Variants in JAK1 observed in about 807,000 individuals in gnomAD.
JAK1 encodes the protein Janus kinase 1.
In JAK1, 16 loss-of-function variants were observed where a neutral mutation model predicts 136.6. That is an observed-to-expected ratio of 0.12 (90% confidence interval 0.08 to 0.18). The LOEUF (loss-of-function observed/expected upper bound fraction) is 0.18, where lower values mean the gene tolerates loss of function less well. JAK1 is among the 10% of genes least tolerant of loss of function. JAK1 has a pLI of 1.00. For synonymous variants in JAK1, 492 were observed against 519.5 expected, an observed-to-expected ratio of 0.95 and a Z score of 0.72; for missense variants, 859 against 1,450.1, an observed-to-expected ratio of 0.59 and a Z score of 6.62.
At chr1:64,872,879 T>C (rs1017743331) in intron 5 of JAK1, among the ~76,000 whole-genome samples, 4 of 152,218 alleles carry the variant, frequency 2.6e-5, no homozygotes, top group African/African-American at 9.6e-5. Context: ...CTTAGCAATC[T>C]CAGAGTAAAT....
At chr1:65,013,641 A>G (rs746560115) in intron 2 of JAK1, among the ~76,000 whole-genome samples, 14 of 152,190 alleles carry the variant, frequency 9.2e-5, no homozygotes, top group Admixed American at 1.3e-4. Context: ...TGCCATATTG[A>G]TGACGTCCCT....
chr1:64,914,970 T>TA (rs1290454315), intron 1 of JAK1, among the ~76,000 whole-genome samples: 6 of 152,134 alleles, frequency 3.9e-5, no homozygotes, highest in Non-Finnish European at 8.8e-5. Context: ...CACTATTTAA[T>TA]AAAAAAAGCT....
At chr1:65,030,704 G>A (rs1340522852) in intron 2 of JAK1, among the ~76,000 whole-genome samples, 1 of 152,094 alleles carries the variant, frequency 6.6e-6, no homozygotes, top group African/African-American at 2.4e-5. Context: ...GCTAATTTTT[G>A]TATTTTTAGT....
intron 1 of JAK1, among the ~76,000 whole-genome samples, chr1:64,931,155 AT>A (rs746269112): frequency 2.6e-4 from 39 of 152,296 alleles, no homozygotes; most frequent in Middle Eastern, 3.4e-3. Context: ...AATAAAAAAA[AT>A]AAACTCTTTA....
chr1:64,868,969 A>G (rs905429391), intron 6 of JAK1, among the ~76,000 whole-genome samples: 1 of 152,224 alleles, frequency 6.6e-6, no homozygotes, highest in African/African-American at 2.4e-5. Flanking sequence ...AAGGATTTTT[A>G]AGATGGGTCC....
intron 1 of JAK1, among the ~76,000 whole-genome samples, chr1:64,947,446 C>G (rs1646007417): frequency 6.6e-6 from 1 of 152,104 alleles, no homozygotes; most frequent in African/African-American, 2.4e-5. Flanking sequence ...CTTGGAGCAG[C>G]CAACTGTTCT....
At chr1:64,884,629 G>T (rs1044876218) in intron 2 of JAK1, among the ~76,000 whole-genome samples, 1 of 152,126 alleles carries the variant, frequency 6.6e-6, no homozygotes, top group African/African-American at 2.4e-5. Context: ...CCTACCCAAT[G>T]CTACTTCTCA....
At chr1:64,929,640 T>G (rs1174256656) in intron 1 of JAK1, among the ~76,000 whole-genome samples, 1 of 152,164 alleles carries the variant, frequency 6.6e-6, no homozygotes, top group African/African-American at 2.4e-5. Flanking sequence ...CATATAAAAT[T>G]AATCTCTTGT....
intron 2 of JAK1, among the ~76,000 whole-genome samples, chr1:65,041,382 TG>T (rs1254879918): frequency 1.3e-5 from 2 of 152,204 alleles, no homozygotes; most frequent in African/African-American, 4.8e-5. Context: ...TTAGTTCCTC[TG>T]CATCTCAAAT....
At chr1:65,030,292 A>C (rs889103602) in intron 2 of JAK1, among the ~76,000 whole-genome samples, 8 of 152,224 alleles carry the variant, frequency 5.3e-5, no homozygotes, top group Non-Finnish European at 8.8e-5. Context: ...TCTGTTGTTT[A>C]AGCCACCTAG....
intron 2 of JAK1, among the ~76,000 whole-genome samples, chr1:65,016,058 T>G (rs553609778): frequency 1.3e-5 from 2 of 152,322 alleles, no homozygotes; most frequent in South Asian, 4.1e-4. Context: ...AGATAAACCT[T>G]GAAGACATAT....
intron 1 of JAK1, among the ~76,000 whole-genome samples, chr1:65,049,640 G>A (rs761533931): frequency 2.0e-5 from 3 of 152,136 alleles, no homozygotes; most frequent in African/African-American, 7.2e-5. Flanking sequence ...CACTGCTGTG[G>A]TCCACAGATG....
At chr1:64,983,720 C>A (rs1304767642) in intron 2 of JAK1, among the ~76,000 whole-genome samples, 1 of 152,162 alleles carries the variant, frequency 6.6e-6, no homozygotes, top group South Asian at 2.1e-4. Context: ...CCCTGGACTC[C>A]ATCCAAAATT....
intron 2 of JAK1, 38 bp downstream of exon 2, chr1:64,886,221 G>A (rs765691932): frequency 7.4e-7 from 1 of 1,355,278 alleles, no homozygotes; most frequent in East Asian, 2.4e-5. Context: ...TTTAAAGCCA[G>A]ATATTTTCCT....
intron 1 of JAK1, among the ~76,000 whole-genome samples, chr1:65,065,355 G>C (rs188441155): frequency 6.6e-6 from 1 of 152,022 alleles, no homozygotes; most frequent in South Asian, 2.1e-4. Flanking sequence ...GTTCAAATAA[G>C]CCTGCAAACA....
intron 3 of JAK1, among the ~76,000 whole-genome samples, chr1:64,881,627 C>T (rs1485511882): frequency 2.0e-5 from 3 of 152,154 alleles, no homozygotes; most frequent in South Asian, 2.1e-4. Context: ...TCTGTTGAGC[C>T]AGTTACAGAA....
chr1:65,002,959 G>T (rs1352061454), intron 2 of JAK1, among the ~76,000 whole-genome samples: 5 of 151,950 alleles, frequency 3.3e-5, no homozygotes, highest in Non-Finnish European at 7.4e-5. Flanking sequence ...GGGCCAGCGG[G>T]AACCGGGCTG....
chr1:65,060,134 GA>G (rs58391330), intron 1 of JAK1, among the ~76,000 whole-genome samples: 14,323 of 142,288 alleles, frequency 0.1, 1,060 homozygotes, highest in East Asian at 0.32. Context: ...GAAGATTAAA[GA>G]AAAAAAAAAA....
chr1:64,903,195 T>G (rs1645138930), intron 1 of JAK1, among the ~76,000 whole-genome samples: 1 of 152,062 alleles, frequency 6.6e-6, no homozygotes, highest in African/African-American at 2.4e-5. Context: ...CCTGGTTAAT[T>G]TTTGCATTTT....
Sources: gnomAD v4.1 joint callset for allele counts (sites outside exome capture counted in the v4.1 genomes callset) on GRCh38, gnomAD v4.1.1 for gene constraint, MANE v1.5 for transcripts, NCBI Gene and HGNC (gene_info 2026-07-23, HGNC 2026-07-21) for gene names.